The following EPS8 variants were observed in gnomAD, a reference collection of about 807,000 sequenced individuals.
EPS8 encodes the protein EGFR pathway substrate 8, signaling adaptor.
Under a neutral mutation model 103.8 loss-of-function variants are expected in EPS8, and 42 were observed. The ratio of observed to expected loss-of-function variants is 0.40; its 90% CI spans 0.32 to 0.52. The LOEUF (loss-of-function observed/expected upper bound fraction) is 0.52. Among genes scored for constraint, EPS8 ranks in the 20% least tolerant of loss-of-function variants. EPS8 has a pLI of 0.40. For missense variants in EPS8, 969 were observed against 1,005.1 expected (o/e 0.96, Z 0.49); for synonymous variants, 344 against 344.6 (o/e 1.00, Z 0.02).
At chr12:15,755,497 T>A (rs1335289546) in intron 1 of EPS8, among the ~76,000 whole-genome samples, 2 of 152,156 alleles carry the variant, frequency 1.3e-5, no homozygotes, top group Admixed American at 6.5e-5. Flanking sequence ...AAAATAAAGA[T>A]GTTGTCACTG....
chr12:15,788,036 T>A (rs1053184059), intron 1 of EPS8: 6 of 152,170 alleles, frequency 3.9e-5, no homozygotes, highest in Non-Finnish European at 5.9e-5. Context: ...GTCCTTTCAA[T>A]GAAAATAAAC....
chr12:15,665,719 T>A, intron 8 of EPS8, 37 bp downstream of exon 8: 1 of 1,609,668 alleles, frequency 6.2e-7, no homozygotes, highest in Non-Finnish European at 8.5e-7. Context: ...CAACCCAAAG[T>A]AAGTGTTCAA....
At chr12:15,628,105 G>T (rs565946248) in intron 18 of EPS8, among the ~76,000 whole-genome samples, 1 of 141,890 alleles carries the variant, frequency 7.0e-6, no homozygotes, top group South Asian at 2.6e-4. Context: ...GGGAGGGAGG[G>T]AGGAGTAGGG....
chr12:15,680,982 T>A (rs1945994994), intron 3 of EPS8, among the ~76,000 whole-genome samples: 1 of 152,116 alleles, frequency 6.6e-6, no homozygotes, highest in Non-Finnish European at 1.5e-5. Flanking sequence ...ATTGGCACCA[T>A]GCATAGGACT....
chr12:15,672,920 C>T (rs1473538730), intron 3 of EPS8, among the ~76,000 whole-genome samples: 4 of 152,116 alleles, frequency 2.6e-5, no homozygotes, highest in African/African-American at 9.7e-5. Context: ...GATATGGCAG[C>T]TCCTGGATGT....
chr12:15,783,197 A>C (rs1043189375), intron 1 of EPS8, among the ~76,000 whole-genome samples: 2 of 152,192 alleles, frequency 1.3e-5, no homozygotes, highest in East Asian at 3.8e-4. Flanking sequence ...AAAAACTTAC[A>C]ATATCAATAA....
rs1420455230 is a variant in EPS8, at chr12:15,721,068, G to C, written c.-21-38096C>G. Among the ~76,000 whole-genome samples, 1 of 152,188 alleles carries C rather than the reference G, an allele frequency of 6.6e-6. No homozygotes were observed. Among genetic ancestry groups the C allele is most frequent in the East Asian group, 1.9e-4 (1 of 5,194 alleles). ...TAGAATACATACTTCTTGAGGGCAA[G>C]GGCCAGCCTTTGTTTACCACTGTAT... On this transcript the variant is annotated intron_variant, in intron 1 of 20. Coordinates refer to ENST00000281172, the MANE Select transcript of EPS8 (RefSeq NM_004447.6). This position sits in a 1 kb window ranked among gnomAD's most constrained non-coding sequence, Gnocchi z 4.4.
At chr12:15,660,252 C>T (rs1945581023) in intron 10 of EPS8, among the ~76,000 whole-genome samples, 1 of 151,022 alleles carries the variant, frequency 6.6e-6, no homozygotes, top group South Asian at 2.1e-4. Flanking sequence ...TCTTGAGGGT[C>T]AAAACTCTGC....
intron 1 of EPS8, among the ~76,000 whole-genome samples, chr12:15,766,171 AAAAG>A (rs961889857): frequency 4.6e-5 from 7 of 151,928 alleles, no homozygotes; most frequent in East Asian, 2.0e-4. Flanking sequence ...AGTGTTTAAA[AAAAG>A]AAAGAAAGAA....
chr12:15,647,284 TA>T (rs753986877), intron 14 of EPS8, 24 bp from the exon 15 acceptor site: 15 of 1,601,660 alleles, frequency 9.4e-6, no homozygotes, highest in Non-Finnish European at 1.3e-5. Flanking sequence ...TGGGGCAGAT[TA>T]AAGAATCACC....
At chr12:15,715,927 G>C (rs1361874498) in intron 1 of EPS8, among the ~76,000 whole-genome samples, 1 of 150,992 alleles carries the variant, frequency 6.6e-6, no homozygotes, top group East Asian at 1.9e-4. Flanking sequence ...AAGGGAGTGA[G>C]AAGAGGATAA....
At chr12:15,675,594 A>G (rs554171930) in intron 3 of EPS8, among the ~76,000 whole-genome samples, 21 of 152,336 alleles carry the variant, frequency 1.4e-4, no homozygotes. Context: ...GCGAGACCCT[A>G]TCTCAAAAAA....
chr12:15,755,444 C>T (rs1946976708), intron 1 of EPS8, among the ~76,000 whole-genome samples: 1 of 152,128 alleles, frequency 6.6e-6, no homozygotes, highest in Non-Finnish European at 1.5e-5. Flanking sequence ...AGAAGGACCA[C>T]TGATTTTCGA....
chr12:15,625,356 C>A (rs928411401), intron 18 of EPS8, among the ~76,000 whole-genome samples: 4 of 152,172 alleles, frequency 2.6e-5, no homozygotes, highest in Non-Finnish European at 4.4e-5. Context: ...TGAATCAGTT[C>A]ATCAGCCTGC....
Position 15,660,495 on chromosome 12 carries a change from C to G in EPS8, c.937+119G>C, listed in dbSNP as rs1945586667. 7.1e-6 allele frequency: 5 copies of G among 700,722 alleles called. No individual in the cohort carries two copies. In the East Asian group the frequency reaches 1.3e-4, roughly 19 times the overall value. The allele number at this position is 700,722 out of a possible 1,614,324, so 43.4% of individuals were successfully genotyped here. A position where few individuals can be genotyped will look rare whatever the true frequency, so the allele number is the denominator to read the frequency against. ...GTCAGGCTAGTCTCGAACTCCTGAC[C>G]TTAGATGATACACCCGCCTCGGCCT... On this transcript the variant is annotated intron_variant, in intron 10 of 20. Coordinates refer to ENST00000281172, the MANE Select transcript of EPS8 (RefSeq NM_004447.6).
At chr12:15,660,811 A>G in intron 9 of EPS8, 71 bp from the exon 10 acceptor site, 1 of 888,670 alleles carries the variant, frequency 1.1e-6, no homozygotes, top group Non-Finnish European at 1.7e-6. Context: ...CTGTTAGTAA[A>G]TAATAGAAAG....
At chr12:15,629,822 A>AT (rs1195983225) in intron 18 of EPS8, among the ~76,000 whole-genome samples, 1 of 152,080 alleles carries the variant, frequency 6.6e-6, no homozygotes, top group Non-Finnish European at 1.5e-5. Flanking sequence ...TGTCTTTTTT[A>AT]TTTTTTATTT....
At chr12:15,646,403 A>G (rs1006371627) in intron 15 of EPS8, among the ~76,000 whole-genome samples, 2 of 152,182 alleles carry the variant, frequency 1.3e-5, no homozygotes, top group Admixed American at 6.5e-5. Flanking sequence ...CAGTTCACTG[A>G]ATGACCCTTC....
chr12:15,730,702 G>A (rs548989454), intron 1 of EPS8, among the ~76,000 whole-genome samples: 3 of 152,116 alleles, frequency 2.0e-5, no homozygotes, highest in Non-Finnish European at 2.9e-5. Context: ...AGAGAATTAC[G>A]AACCTATTAG....
Sources: allele counts gnomAD v4.1 joint callset (sites outside exome capture counted in the v4.1 genomes callset), GRCh38; gene constraint gnomAD v4.1.1; non-coding constraint Gnocchi (gnomAD v3.1); transcripts MANE v1.5; gene names NCBI Gene and HGNC (gene_info 2026-07-23, HGNC 2026-07-21).